BCKDHB: variants seen among roughly 807,000 people sequenced by gnomAD.
BCKDHB encodes the protein branched chain keto acid dehydrogenase E1 subunit beta.
A neutral mutation model predicts 48.5 loss-of-function variants in BCKDHB; 41 were observed. The observed-to-expected ratio is 0.85, with a 90% CI of 0.66 to 1.10. The LOEUF (loss-of-function observed/expected upper bound fraction) is 1.10. Among genes scored for constraint, BCKDHB ranks in the 50% least tolerant of loss-of-function variants. The pLI is 0.00. For synonymous variants in BCKDHB, 201 were observed against 174.8 expected (o/e 1.15, Z -1.18); for missense variants, 496 against 494.2 (o/e 1.00, Z -0.03).
chr6:80,297,342 A>G (rs1767308568), intron 9 of BCKDHB, among the ~76,000 whole-genome samples: 1 of 152,248 alleles, frequency 6.6e-6, no homozygotes, highest in East Asian at 1.9e-4. Context: ...AAAGATTACT[A>G]AAGTCATATG....
chr6:80,301,223 A>T (rs1057250048), intron 9 of BCKDHB, among the ~76,000 whole-genome samples: 1 of 152,216 alleles, frequency 6.6e-6, no homozygotes, highest in Non-Finnish European at 1.5e-5. Flanking sequence ...GCAAAAATCC[A>T]TACAAAAGAT....
intron 8 of BCKDHB, among the ~76,000 whole-genome samples, chr6:80,261,421 T>C (rs1325219213): frequency 1.3e-5 from 2 of 152,024 alleles, no homozygotes; most frequent in African/African-American, 2.4e-5. Context: ...GAAAACTTGT[T>C]ACTCAACTTG....
chr6:80,445,162 G>C, the BCKDHB span, among the ~76,000 whole-genome samples: 3 of 152,054 alleles, frequency 2.0e-5, no homozygotes, highest in East Asian at 5.8e-4. Flanking sequence ...CTATCTTTCT[G>C]ACTGGGCTAC....
intron 9 of BCKDHB, among the ~76,000 whole-genome samples, chr6:80,297,221 C>T (rs1767302043): frequency 6.6e-6 from 1 of 152,058 alleles, no homozygotes; most frequent in African/African-American, 2.4e-5. Context: ...AGTTTATGAC[C>T]CTAAACTACT....
intron 8 of BCKDHB, among the ~76,000 whole-genome samples, chr6:80,266,113 G>A (rs151186677): frequency 5.9e-5 from 9 of 152,112 alleles, no homozygotes; most frequent in East Asian, 1.9e-4. Flanking sequence ...ACTTGGCTTT[G>A]TAGTAGACCT....
the BCKDHB span, among the ~76,000 whole-genome samples, chr6:80,432,090 G>T: frequency 1.3e-5 from 2 of 151,936 alleles, no homozygotes; most frequent in African/African-American, 4.8e-5. Flanking sequence ...TTCCCTTTGT[G>T]GGTAACCTGA....
chr6:80,416,413 T>C, the BCKDHB span, among the ~76,000 whole-genome samples: 3 of 152,078 alleles, frequency 2.0e-5, no homozygotes, highest in Admixed American at 6.6e-5. Context: ...GATGTGGTCA[T>C]ATAGTATTAT....
At chr6:80,432,137 AT>A in the BCKDHB span, among the ~76,000 whole-genome samples, 5 of 151,854 alleles carry the variant, frequency 3.3e-5, no homozygotes, top group Non-Finnish European at 5.9e-5. Context: ...TTTTTCCTTC[AT>A]TTTAATCCTG....
intron 6 of BCKDHB, among the ~76,000 whole-genome samples, chr6:80,185,151 T>A (rs1773584589): frequency 6.6e-6 from 1 of 152,158 alleles, no homozygotes; most frequent in Non-Finnish European, 1.5e-5. Flanking sequence ...TTCGGTTAAT[T>A]TGTAAGCCTT....
intron 9 of BCKDHB, among the ~76,000 whole-genome samples, chr6:80,322,806 T>G (rs1768803149): frequency 6.6e-6 from 1 of 152,114 alleles, no homozygotes; most frequent in African/African-American, 2.4e-5. Flanking sequence ...TATGTTAAAC[T>G]AACTCTTGCA....
chr6:80,213,036 G>C (rs1775011614), intron 8 of BCKDHB, among the ~76,000 whole-genome samples: 1 of 152,176 alleles, frequency 6.6e-6, no homozygotes, highest in South Asian at 2.1e-4. Flanking sequence ...GACTGTGATA[G>C]GATTGGTGCT....
At chr6:80,323,117 T>C (rs971585826) in intron 9 of BCKDHB, among the ~76,000 whole-genome samples, 3 of 152,126 alleles carry the variant, frequency 2.0e-5, no homozygotes, top group Admixed American at 2.0e-4. Flanking sequence ...TCCTCATCTC[T>C]GAAGGGGATG....
chr6:80,299,000 A>T (rs914935834), intron 9 of BCKDHB, among the ~76,000 whole-genome samples: 2 of 152,164 alleles, frequency 1.3e-5, no homozygotes, highest in Non-Finnish European at 2.9e-5. Context: ...AGGCAGATTA[A>T]TCCAAAGAGA....
intron 3 of BCKDHB, among the ~76,000 whole-genome samples, chr6:80,161,487 C>G (rs995715249): frequency 2.6e-5 from 4 of 152,102 alleles, no homozygotes; most frequent in African/African-American, 9.7e-5. Context: ...CTCCCCTTAT[C>G]TAATTTATCC....
At chr6:80,135,485 T>C (rs947660215) in intron 3 of BCKDHB, among the ~76,000 whole-genome samples, 2 of 152,218 alleles carry the variant, frequency 1.3e-5, no homozygotes, top group Admixed American at 1.3e-4. Context: ...GTAAATCTGG[T>C]TTCCTAATAT....
intron 8 of BCKDHB, among the ~76,000 whole-genome samples, chr6:80,218,446 C>T (rs890638779): frequency 7.2e-5 from 11 of 152,062 alleles, no homozygotes; most frequent in East Asian, 1.9e-4. Context: ...GGTGTATACA[C>T]GCACACGTAT....
the BCKDHB span, among the ~76,000 whole-genome samples, chr6:80,433,507 C>T: frequency 6.6e-6 from 1 of 152,216 alleles, no homozygotes. Flanking sequence ...ACACCCCTCC[C>T]CGCGCCAAGC....
At chr6:80,458,673 A>G in the BCKDHB span, among the ~76,000 whole-genome samples, 1 of 152,220 alleles carries the variant, frequency 6.6e-6, no homozygotes. Flanking sequence ...TCAAGTGCTT[A>G]GCCAGGTAAC....
chr6:80,195,507 ATTAG>A (rs1774091273), intron 6 of BCKDHB, among the ~76,000 whole-genome samples: 1 of 152,214 alleles, frequency 6.6e-6, no homozygotes, highest in Non-Finnish European at 1.5e-5. Flanking sequence ...GAAATCCAAT[ATTAG>A]TTTATAGTTG....
Sources: gnomAD v4.1 joint callset for allele counts (sites outside exome capture counted in the v4.1 genomes callset) on GRCh38, gnomAD v4.1.1 for gene constraint, MANE v1.5 for transcripts, NCBI Gene and HGNC (gene_info 2026-07-23, HGNC 2026-07-21) for gene names.